Variants in GMDS observed in about 807,000 individuals in gnomAD.
GMDS encodes the protein GDP-mannose 4,6 dehydratase.
A neutral mutation model predicts 49.9 loss-of-function variants in GMDS; 20 were observed. The observed-to-expected ratio is 0.40, with a 90% CI of 0.28 to 0.58. The LOEUF (loss-of-function observed/expected upper bound fraction) is 0.58, where lower values mean the gene tolerates loss of function less well. GMDS is among the 20% of genes least tolerant of loss of function. The probability of loss-of-function intolerance (pLI) is 0.42; values close to 1 mark genes in which losing one functional copy is unlikely to be tolerated. For synonymous variants in GMDS, 177 were observed against 178.6 expected (o/e 0.99, Z 0.07); for missense variants, 362 against 481.4 (o/e 0.75, Z 2.32).
At chr6:2,229,270 G>T (rs188979918) in intron 1 of GMDS, among the ~76,000 whole-genome samples, 59 of 152,198 alleles carry the variant, frequency 3.9e-4, no homozygotes, top group African/African-American at 1.4e-3. Flanking sequence ...GGTTCAAAAA[G>T]ACTCAAAAGT....
intron 7 of GMDS, among the ~76,000 whole-genome samples, chr6:1,801,236 G>C (rs1769938166): frequency 6.6e-6 from 1 of 152,306 alleles, no homozygotes; most frequent in Middle Eastern, 3.4e-3. Context: ...CTTGAGGAAG[G>C]GGGCACAAGT....
chr6:1,931,270 G>T (rs1406081106), intron 6 of GMDS, among the ~76,000 whole-genome samples: 1 of 152,216 alleles, frequency 6.6e-6, no homozygotes, highest in Admixed American at 6.5e-5. Flanking sequence ...TGATCAAAGT[G>T]TTTGGCTTCT....
intron 9 of GMDS, among the ~76,000 whole-genome samples, chr6:1,654,910 C>T (rs1352587649): frequency 1.3e-5 from 2 of 151,716 alleles, no homozygotes; most frequent in Non-Finnish European, 2.9e-5. Flanking sequence ...AAAATACAAA[C>T]ATTAGCTGGG....
chr6:2,089,758 T>G (rs1773213494), intron 4 of GMDS, among the ~76,000 whole-genome samples: 1 of 152,112 alleles, frequency 6.6e-6, no homozygotes, highest in Admixed American at 6.5e-5. Context: ...AAATCCTGAG[T>G]TTAAAATGTT....
intron 7 of GMDS, among the ~76,000 whole-genome samples, chr6:1,929,021 A>G (rs9392346): frequency 0.41 from 62,206 of 152,010 alleles, 13,326 homozygotes; most frequent in Middle Eastern, 0.48. Flanking sequence ...ATGTTGCACT[A>G]TTCAAAATCT....
intron 7 of GMDS, among the ~76,000 whole-genome samples, chr6:1,883,206 C>T (rs748496876): frequency 6.6e-6 from 1 of 152,056 alleles, no homozygotes; most frequent in Non-Finnish European, 1.5e-5. Flanking sequence ...TCCTGGCCAA[C>T]TTAGTGAAAC....
intron 7 of GMDS, among the ~76,000 whole-genome samples, chr6:1,848,762 T>C (rs1301422231): frequency 6.6e-6 from 1 of 152,176 alleles, no homozygotes; most frequent in Non-Finnish European, 1.5e-5. Context: ...GTAATGATGG[T>C]GCACATGGCT....
intron 7 of GMDS, among the ~76,000 whole-genome samples, chr6:1,856,488 G>T (rs999616999): frequency 6.6e-6 from 1 of 152,196 alleles, no homozygotes; most frequent in Admixed American, 6.5e-5. Context: ...TCTTCAGATG[G>T]CTGAGAGCTA....
Position 1,631,469 on chromosome 6 carries a change from G to C in GMDS, c.988-6929C>G, listed in dbSNP as rs563620347. 2.6e-5 allele frequency among the ~76,000 whole-genome samples: 4 copies of C among 152,068 alleles called. No individual in the cohort carries two copies. In the East Asian group the frequency reaches 7.7e-4, roughly 29 times the overall value. ...AGCTTGTTTCCTTCTAGTTTGTTAGGAAATCTACCCACCTCTTAGAAATGT... is the reference window on the plus strand; with the variant it reads ...AGCTTGTTTCCTTCTAGTTTGTTAGCAAATCTACCCACCTCTTAGAAATGT... On this transcript the variant is annotated intron_variant, in intron 9 of 10. Coordinates refer to ENST00000380815, the MANE Select transcript of GMDS (RefSeq NM_001500.4).
intron 6 of GMDS, among the ~76,000 whole-genome samples, chr6:1,942,439 T>C (rs1762866811): frequency 6.6e-6 from 1 of 152,160 alleles, no homozygotes; most frequent in African/African-American, 2.4e-5. Flanking sequence ...CTGACTGCAC[T>C]GATTTATTCA....
chr6:1,962,987 C>T (rs1478759629), intron 4 of GMDS, among the ~76,000 whole-genome samples: 1 of 150,478 alleles, frequency 6.6e-6, no homozygotes, highest in African/African-American at 2.5e-5. Context: ...AGTGATTTTC[C>T]TGCCTCAGCC....
intron 8 of GMDS, among the ~76,000 whole-genome samples, chr6:1,733,447 G>A (rs563001054): frequency 2.0e-5 from 3 of 152,192 alleles, no homozygotes; most frequent in South Asian, 2.1e-4. Context: ...AGAACAGGGG[G>A]AGAGAGAGGC....
chr6:1,726,293 G>A (rs1001129619), intron 9 of GMDS, 123 bp downstream of exon 9: 8 of 685,110 alleles, frequency 1.2e-5, no homozygotes, highest in South Asian at 5.1e-5. Flanking sequence ...GGAAATGCAC[G>A]CTGAAGGATG....
chr6:1,751,446 C>T (rs1767727020), intron 7 of GMDS, among the ~76,000 whole-genome samples: 1 of 152,188 alleles, frequency 6.6e-6, no homozygotes, highest in East Asian at 1.9e-4. Flanking sequence ...CTGGAGTGGA[C>T]CTCCAGCAAA....
Position 2,152,556 on chromosome 6 carries a change from G to A in GMDS, c.103-27825C>T, listed in dbSNP as rs181737820. ...AATGGAGTTAACAAGATATTAATAG[G>A]AACAATATAAAGAAAACTTTAAGCT... is the stretch of plus-strand genomic sequence containing the variant. On this transcript the variant is annotated intron_variant, in intron 1 of 10. Coordinates refer to ENST00000380815, the MANE Select transcript of GMDS (RefSeq NM_001500.4). Among the ~76,000 whole-genome samples the A allele has an allele frequency of 2.6e-3, 389 of 151,988 alleles. 1 individual carries two copies. Among genetic ancestry groups the A allele is most frequent in the Middle Eastern group, 7.1e-3 (2 of 282 alleles).
At chr6:1,744,581 GTTAAAC>G (rs1561775359) in intron 7 of GMDS, among the ~76,000 whole-genome samples, 8 of 151,492 alleles carry the variant, frequency 5.3e-5, no homozygotes, top group Non-Finnish European at 1.2e-4. Context: ...CCTGAACACT[GTTAAAC>G]ACTGGGGGCT....
chr6:2,150,021 T>C (rs1776769479), intron 1 of GMDS, among the ~76,000 whole-genome samples: 1 of 152,230 alleles, frequency 6.6e-6, no homozygotes, highest in Non-Finnish European at 1.5e-5. Context: ...TTTTTAATCA[T>C]ATTAACAATA....
chr6:1,835,055 T>C (rs535898569), intron 7 of GMDS, among the ~76,000 whole-genome samples: 9 of 152,120 alleles, frequency 5.9e-5, no homozygotes, highest in African/African-American at 2.2e-4. Flanking sequence ...AGTTCTCTAC[T>C]GATAGAGAGG....
chr6:1,926,300 A>G (rs931912877), intron 7 of GMDS, among the ~76,000 whole-genome samples: 2 of 152,330 alleles, frequency 1.3e-5, no homozygotes, highest in Admixed American at 1.3e-4. Flanking sequence ...GCACCCTGTA[A>G]CACATGCGCA....
Sources: gnomAD v4.1 joint callset for allele counts (sites outside exome capture counted in the v4.1 genomes callset) on GRCh38, gnomAD v4.1.1 for gene constraint, MANE v1.5 for transcripts, NCBI Gene and HGNC (gene_info 2026-07-23, HGNC 2026-07-21) for gene names.